Variants in GRM7 observed in about 807,000 individuals in gnomAD.
GRM7 encodes glutamate metabotropic receptor 7.
GRM7 carries 35 observed loss-of-function variants against 84.5 expected under a neutral mutation model. That is an observed-to-expected ratio of 0.41 (90% confidence interval 0.32 to 0.55). GRM7 has a LOEUF of 0.55. Ranked by LOEUF, GRM7 falls within the 20% of genes least tolerant of loss-of-function variation. The pLI is 0.19. For missense variants in GRM7, 1,003 were observed against 1,194.6 expected (o/e 0.84, Z 2.36); for synonymous variants, 487 against 455.1 (o/e 1.07, Z -0.89).
intron 5 of GRM7, among the ~76,000 whole-genome samples, chr3:7,444,220 A>G (rs989351886): frequency 6.6e-6 from 1 of 152,094 alleles, no homozygotes; most frequent in Non-Finnish European, 1.5e-5. Context: ...GAGTGGTACA[A>G]CCTCCTTATT....
intron 4 of GRM7, among the ~76,000 whole-genome samples, chr3:7,393,948 G>C (rs1375389297): frequency 6.6e-6 from 1 of 152,142 alleles, no homozygotes; most frequent in Non-Finnish European, 1.5e-5. Flanking sequence ...TAACAATTAA[G>C]TGGTACAGTT....
chr3:7,227,939 G>C (rs1294016021), intron 2 of GRM7, among the ~76,000 whole-genome samples: 3 of 152,134 alleles, frequency 2.0e-5, no homozygotes, highest in African/African-American at 4.8e-5. Context: ...TCAGAATTAG[G>C]TCTCTTCCAT....
At chr3:7,397,670 A>G (rs76857492) in intron 4 of GRM7, among the ~76,000 whole-genome samples, 2,319 of 152,260 alleles carry the variant, frequency 0.015, 61 homozygotes, top group African/African-American at 0.052. Context: ...GTACCCCATA[A>G]ATATATTCAA....
chr3:7,270,567 A>T (rs1199377717), intron 2 of GRM7, among the ~76,000 whole-genome samples: 1 of 152,090 alleles, frequency 6.6e-6, no homozygotes, highest in African/African-American at 2.4e-5. Context: ...CTTCTCCATG[A>T]TACCTTAGAT....
intron 1 of GRM7, among the ~76,000 whole-genome samples, chr3:6,937,994 G>A (rs187080570): frequency 1.3e-5 from 2 of 152,196 alleles, no homozygotes; most frequent in African/African-American, 4.8e-5. Flanking sequence ...ATGCTGAGTG[G>A]GGAAAAGTTA....
chr3:7,474,482 C>T (rs376985383), intron 7 of GRM7, among the ~76,000 whole-genome samples: 1 of 151,544 alleles, frequency 6.6e-6, no homozygotes, highest in East Asian at 1.9e-4. Flanking sequence ...AGTAACCCCC[C>T]ACCAAAAACA....
chr3:7,642,013 T>G (rs1274230330), intron 8 of GRM7, among the ~76,000 whole-genome samples: 2 of 152,148 alleles, frequency 1.3e-5, no homozygotes, highest in Non-Finnish European at 2.9e-5. Flanking sequence ...ACCACCTGTT[T>G]CCTACTGCAT....
chr3:7,708,385 G>T (rs563625388), intron 9 of GRM7, among the ~76,000 whole-genome samples: 14 of 151,930 alleles, frequency 9.2e-5, no homozygotes, highest in Non-Finnish European at 1.8e-4. Context: ...TAGACTGGCC[G>T]GTTGCACAGA....
chr3:7,283,544 T>C (rs529745123), intron 2 of GRM7, among the ~76,000 whole-genome samples: 4 of 152,288 alleles, frequency 2.6e-5, no homozygotes, highest in Admixed American at 2.0e-4. Context: ...CACTAAACAA[T>C]TGAAAGAATT....
chr3:7,229,722 CACACATATATATATAT>C (rs1375871866), intron 2 of GRM7, among the ~76,000 whole-genome samples: 457 of 25,788 alleles, frequency 0.018, 58 homozygotes, highest in East Asian at 0.053. Context: ...TCCATAGACA[CACACATATATATATAT>C]ATATATATAT....
Position 7,493,800 on chromosome 3 carries a change from A to G in GRM7, c.1515+32078A>G, listed in dbSNP as rs113131774. 5.0e-3 allele frequency among the ~76,000 whole-genome samples: 760 copies of G among 151,968 alleles called. 7 individuals are homozygous for G. The highest frequency in any genetic ancestry group is 0.017 in the African/African-American group (714 of 41,492). ...TTACTTGAACATTTTTTAGGATTCC[A>G]TCTTGATTTATTTACAGTGTTTGTG... On this transcript the variant is annotated intron_variant, in intron 7 of 9. Transcript: ENST00000357716.
At chr3:6,967,076 C>T (rs1476311864) in intron 1 of GRM7, among the ~76,000 whole-genome samples, 1 of 152,136 alleles carries the variant, frequency 6.6e-6, no homozygotes, top group Non-Finnish European at 1.5e-5. Flanking sequence ...TCAAGTGATC[C>T]TCCCACCTCA....
At chr3:7,426,792 G>A (rs1696629079) in intron 5 of GRM7, among the ~76,000 whole-genome samples, 1 of 152,202 alleles carries the variant, frequency 6.6e-6, no homozygotes, top group Non-Finnish European at 1.5e-5. Flanking sequence ...TACAGTAGGA[G>A]TTTAACAAGT....
chr3:7,240,120 G>GTTTCTTT (rs1697495356), intron 2 of GRM7, among the ~76,000 whole-genome samples: 1 of 52,732 alleles, frequency 1.9e-5, no homozygotes, highest in Non-Finnish European at 3.3e-5. Flanking sequence ...AGCATGTGAG[G>GTTTCTTT]TTTTTTTTTT....
At chr3:7,263,363 A>G (rs1028820938) in intron 2 of GRM7, among the ~76,000 whole-genome samples, 7 of 152,222 alleles carry the variant, frequency 4.6e-5, no homozygotes, top group African/African-American at 1.7e-4. Context: ...CAGACAAAGC[A>G]CTTCATAGGG....
intron 4 of GRM7, among the ~76,000 whole-genome samples, chr3:7,336,219 G>C (rs1701414829): frequency 6.6e-6 from 1 of 151,988 alleles, no homozygotes; most frequent in Admixed American, 6.6e-5. Context: ...TTCATACCTG[G>C]GATGCAGGGT....
chr3:7,031,888 G>T (rs1266161746), intron 1 of GRM7, among the ~76,000 whole-genome samples: 1 of 152,012 alleles, frequency 6.6e-6, no homozygotes, highest in Non-Finnish European at 1.5e-5. Flanking sequence ...CCAAGACAAA[G>T]AACTTAGTGA....
intron 2 of GRM7, among the ~76,000 whole-genome samples, chr3:7,249,632 G>A (rs958301701): frequency 6.6e-6 from 1 of 152,016 alleles, no homozygotes; most frequent in African/African-American, 2.4e-5. Context: ...GACTGCATCA[G>A]CAAAATGAAA....
At chr3:7,106,939 C>T (rs1192694286) in intron 1 of GRM7, among the ~76,000 whole-genome samples, 1 of 151,970 alleles carries the variant, frequency 6.6e-6, no homozygotes, top group Non-Finnish European at 1.5e-5. Flanking sequence ...GTATTGAGTG[C>T]ATAGTGCTGT....
Sources: gnomAD v4.1 joint callset for allele counts (sites outside exome capture counted in the v4.1 genomes callset) on GRCh38, gnomAD v4.1.1 for gene constraint, MANE v1.5 for transcripts, NCBI Gene and HGNC (gene_info 2026-07-23, HGNC 2026-07-21) for gene names.